The following MTMR8 variants were observed in gnomAD, a reference collection of about 807,000 sequenced individuals.
MTMR8 encodes myotubularin related protein 8.
In MTMR8, 65 loss-of-function variants were observed where a neutral mutation model predicts 39.3. That is an observed-to-expected ratio of 1.65 (90% CI 1.35 to 2.03). MTMR8 has a LOEUF of 2.03. Among genes scored for constraint, MTMR8 ranks in the 30% most tolerant of loss-of-function variants. MTMR8 has a pLI of 0.00. For missense variants in MTMR8, 777 were observed against 538.9 expected, an observed-to-expected ratio of 1.44 and a Z score of -4.37; for synonymous variants, 245 against 185.2, an observed-to-expected ratio of 1.32 and a Z score of -2.62.
intron 5 of MTMR8, among the ~76,000 whole-genome samples, chrX:64,349,631 C>T: frequency 9.0e-6 from 1 of 111,556 alleles, no homozygotes; most frequent in East Asian, 2.8e-4. Flanking sequence ...CCCAAAAAAT[C>T]CTGTATACAA....
At chrX:64,354,516 G>T (rs1248950490) in intron 4 of MTMR8, among the ~76,000 whole-genome samples, 2 of 111,435 alleles carry the variant, frequency 1.8e-5, no homozygotes, top group Non-Finnish European at 3.8e-5. Flanking sequence ...CAAAGCATCA[G>T]GTTGTTTCTG....
At chrX:64,356,828 GA>G (rs202061532) in intron 2 of MTMR8, among the ~76,000 whole-genome samples, 4 of 106,593 alleles carry the variant, frequency 3.8e-5, no homozygotes, top group Non-Finnish European at 3.9e-5. Flanking sequence ...TTTCAGGAAT[GA>G]AAAAAAAACA....
intron 8 of MTMR8, among the ~76,000 whole-genome samples, chrX:64,339,902 C>T (rs1923171550): frequency 9.0e-6 from 1 of 111,300 alleles, no homozygotes; most frequent in Admixed American, 9.6e-5. Flanking sequence ...CATGGTGTAG[C>T]CAGTTTGAAA....
intron 12 of MTMR8, among the ~76,000 whole-genome samples, chrX:64,289,386 C>T (rs1921318261): frequency 9.0e-6 from 1 of 110,539 alleles, no homozygotes; most frequent in Non-Finnish European, 1.9e-5. Flanking sequence ...AACGTAAAAA[C>T]AGATTTAACA....
At chrX:64,283,615 C>A (rs1041055439) in intron 12 of MTMR8, among the ~76,000 whole-genome samples, 3 of 112,076 alleles carry the variant, frequency 2.7e-5, no homozygotes, top group African/African-American at 9.7e-5. Context: ...GGGTACCCCT[C>A]TGAGATGAAA....
intron 12 of MTMR8, chrX:64,304,930 A>T (rs1345923841): frequency 1.1e-5 from 1 of 88,267 alleles, no homozygotes; most frequent in East Asian, 3.9e-4. Context: ...ATATATACAC[A>T]TATACACACA....
rs770951423 is a variant in MTMR8 at position 64,338,284 on chromosome X, GACAAAC to G, written c.976-897_976-892del. 1.3e-4 allele frequency among the ~76,000 whole-genome samples: 15 copies of G among 111,841 alleles called. No individual in the cohort carries two copies. In the East Asian group the frequency reaches 4.2e-3, roughly 31 times the overall value. On this transcript the variant is annotated intron_variant, in intron 8 of 13. Coordinates refer to ENST00000374852, the MANE Select transcript of MTMR8 (RefSeq NM_017677.4). ...TGATGTGCATTGGGAATACAAAAGA[GACAAAC>G]ACTTAAATGCATGACTGCAAACCAA...
rs1921662181 is a variant in MTMR8, at chrX:64,297,578, T to G, written c.1482-26505A>C. The stretch of plus-strand genomic sequence containing the variant: ...TTTCTTTTGCTGTGCAGAAGCTCTT[T>G]AGTTTAATTAGATCCCATTTGTCAA... On this transcript the variant is annotated intron_variant, in intron 12 of 13. Coordinates refer to ENST00000374852, the MANE Select transcript of MTMR8 (RefSeq NM_017677.4). Among the ~76,000 whole-genome samples the G allele has an allele frequency of 6.7e-5, 6 of 89,758 alleles. No individual in the cohort carries two copies. In the South Asian group the frequency reaches 3.3e-3, roughly 49 times the overall value. The allele number at this position is 89,758 out of a possible 115,157, so 77.9% of individuals were successfully genotyped here. A position where few individuals can be genotyped will look rare whatever the true frequency, so the allele number is the denominator to read the frequency against.
chrX:64,381,001 A>G (rs1267044835), intron 1 of MTMR8, among the ~76,000 whole-genome samples: 2 of 111,965 alleles, frequency 1.8e-5, no homozygotes, highest in Non-Finnish European at 3.8e-5. Flanking sequence ...TCATTGTTGG[A>G]CATTTGGCTT....
chrX:64,370,267 G>A (rs764948356), intron 1 of MTMR8, among the ~76,000 whole-genome samples: 1 of 110,501 alleles, frequency 9.0e-6, no homozygotes, highest in Admixed American at 9.7e-5. Context: ...GTATGATGTT[G>A]GCCTCTTTAA....
At chrX:64,272,685 A>C (rs12006627) in intron 12 of MTMR8, among the ~76,000 whole-genome samples, 26,357 of 110,200 alleles carry the variant, frequency 0.24, 7,693 homozygotes, top group African/African-American at 0.83. Flanking sequence ...CAAAATGACC[A>C]AAACACGATG....
chrX:64,307,229 GA>G (rs1197858567), intron 12 of MTMR8, among the ~76,000 whole-genome samples: 1 of 111,756 alleles, frequency 8.9e-6, no homozygotes, highest in African/African-American at 3.3e-5. Flanking sequence ...TTCTGTAGAG[GA>G]AAAGTTTTTA....
At chrX:64,374,396 T>C (rs1386110922) in intron 1 of MTMR8, among the ~76,000 whole-genome samples, 2 of 111,932 alleles carry the variant, frequency 1.8e-5, no homozygotes, top group Non-Finnish European at 3.8e-5. Flanking sequence ...CAAGGCATGA[T>C]CCCTCCCGAC....
chrX:64,378,600 C>T (rs1399846957), intron 1 of MTMR8, among the ~76,000 whole-genome samples: 2 of 111,764 alleles, frequency 1.8e-5, no homozygotes, highest in Non-Finnish European at 3.8e-5. Context: ...TAAAACATTT[C>T]AAACTAAAAG....
intron 12 of MTMR8, among the ~76,000 whole-genome samples, chrX:64,300,945 C>T (rs1345907534): frequency 3.7e-5 from 4 of 109,511 alleles, no homozygotes; most frequent in Non-Finnish European, 5.7e-5. Flanking sequence ...CCGAGAGATC[C>T]GCTGTTAGTC....
chrX:64,380,830 T>C (rs1924394667), intron 1 of MTMR8, among the ~76,000 whole-genome samples: 1 of 111,513 alleles, frequency 9.0e-6, no homozygotes, highest in South Asian at 3.8e-4. Context: ...CACCTATCAG[T>C]GACAACATGC....
In MTMR8 at chrX:64,303,044, C is replaced by T. The variant is rs763564714; in HGVS notation, c.1481+25728G>A. On this transcript the variant is annotated intron_variant, in intron 12 of 13. Coordinates refer to ENST00000374852, the MANE Select transcript of MTMR8 (RefSeq NM_017677.4). ...AAAGGATCACTTAAAGTTTGCTGTG[C>T]GTTAATGCCATCTCGTGATTCTTAT... 9.8e-5 allele frequency among the ~76,000 whole-genome samples: 11 copies of T among 112,564 alleles called. No individual in the cohort carries two copies. The South Asian group carries it at 2.6e-3, about 26-fold the overall frequency.
At chrX:64,278,587 C>T (rs1359318612) in intron 12 of MTMR8, among the ~76,000 whole-genome samples, 2 of 102,292 alleles carry the variant, frequency 2.0e-5, no homozygotes, top group Admixed American at 2.2e-4. Flanking sequence ...GATTACCCTG[C>T]CTCAGCCTCC....
intron 12 of MTMR8, among the ~76,000 whole-genome samples, chrX:64,295,736 G>A (rs1602113193): frequency 9.0e-6 from 1 of 111,325 alleles, no homozygotes; most frequent in East Asian, 2.8e-4. Flanking sequence ...TAAGGAAAAT[G>A]CAAATCGAAA....
Sources: gnomAD v4.1 joint callset for allele counts (sites outside exome capture counted in the v4.1 genomes callset) on GRCh38, gnomAD v4.1.1 for gene constraint, MANE v1.5 for transcripts, NCBI Gene and HGNC (gene_info 2026-07-23, HGNC 2026-07-21) for gene names.